Variants in HDAC9 observed in about 807,000 individuals in gnomAD.
HDAC9 encodes the protein histone deacetylase 9, also known as MEF-2 interacting transcription repressor (MITR) protein.
A neutral mutation model predicts 139.4 loss-of-function variants in HDAC9; 41 were observed. The ratio of observed to expected loss-of-function variants is 0.29; its 90% CI spans 0.23 to 0.38. The LOEUF is 0.38. Ranked by LOEUF, HDAC9 falls within the 10% of genes least tolerant of loss-of-function variation. HDAC9 has a pLI of 1.00. For synonymous variants in HDAC9, 517 were observed against 476.2 expected (o/e 1.09, Z -1.12); for missense variants, 1,147 against 1,297.0 (o/e 0.88, Z 1.78).
At chr7:18,297,465 C>T (rs1373861681) in intron 1 of HDAC9, among the ~76,000 whole-genome samples, 1 of 152,076 alleles carries the variant, frequency 6.6e-6, no homozygotes, top group East Asian at 1.9e-4. Context: ...TTTTATTTTT[C>T]TGACTGCTCT....
At chr7:18,938,891 A>G (rs1781838101) in intron 23 of HDAC9, among the ~76,000 whole-genome samples, 1 of 152,194 alleles carries the variant, frequency 6.6e-6, no homozygotes, top group Non-Finnish European at 1.5e-5. Context: ...AAAGTGTGAG[A>G]CCTGTGCCTT....
chr7:18,405,559 C>A (rs1487491947), intron 1 of HDAC9, among the ~76,000 whole-genome samples: 1 of 151,932 alleles, frequency 6.6e-6, no homozygotes, highest in South Asian at 2.1e-4. Context: ...TTCATCAAAT[C>A]TGAAAAACAA....
chr7:18,935,966 G>T (rs1294042702), intron 23 of HDAC9, 24 bp downstream of exon 23: 3 of 1,602,274 alleles, frequency 1.9e-6, no homozygotes, highest in Non-Finnish European at 2.6e-6. Context: ...AGTACAAAGG[G>T]GCAGGGGTAA....
At chr7:18,601,841 T>G (rs1363818851) in intron 6 of HDAC9, among the ~76,000 whole-genome samples, 1 of 152,208 alleles carries the variant, frequency 6.6e-6, no homozygotes, top group Non-Finnish European at 1.5e-5. Context: ...ATACAACACT[T>G]TTTGTACATC....
chr7:18,562,122 G>C (rs1225876678), intron 2 of HDAC9, among the ~76,000 whole-genome samples: 1 of 152,064 alleles, frequency 6.6e-6, no homozygotes, highest in Non-Finnish European at 1.5e-5. Context: ...TTGGCTATTT[G>C]TATATCTTCT....
intron 2 of HDAC9, among the ~76,000 whole-genome samples, chr7:18,259,884 A>G (rs1206917375): frequency 3.3e-5 from 5 of 152,240 alleles, no homozygotes; most frequent in Non-Finnish European, 7.3e-5. Flanking sequence ...ATAGTATACC[A>G]GTCGTCATGA....
chr7:18,550,891 A>C (rs1388682921), intron 2 of HDAC9, among the ~76,000 whole-genome samples: 1 of 152,222 alleles, frequency 6.6e-6, no homozygotes, highest in Non-Finnish European at 1.5e-5. Flanking sequence ...CAGCCATGGC[A>C]GGGCTTTCAG....
rs567502268 is a variant in HDAC9, at chr7:18,990,422, C to T, written c.3171-5601C>T. Among the ~76,000 whole-genome samples the T allele has an allele frequency of 4.7e-4, 71 of 152,322 alleles. No homozygotes were observed. The East Asian group carries it at 8.9e-3, about 19-fold the overall frequency. ...CTGCCCGTTTTCAGATCTCCAGCTG[C>T]GTGCTGGGAGAGCCACTGCTCTCTT... On this transcript the variant is annotated intron_variant, in intron 25 of 25. Coordinates refer to ENST00000686413, the MANE Select transcript of HDAC9 (RefSeq NM_178425.4).
intron 22 of HDAC9, among the ~76,000 whole-genome samples, chr7:18,934,238 C>G (rs181488416): frequency 1.1e-3 from 170 of 151,932 alleles, no homozygotes; most frequent in African/African-American, 3.8e-3. Context: ...ACACAAGACC[C>G]TAATGGTTTC....
chr7:18,910,719 C>A (rs1453062677), intron 22 of HDAC9, among the ~76,000 whole-genome samples: 2 of 151,840 alleles, frequency 1.3e-5, no homozygotes, highest in Non-Finnish European at 2.9e-5. Flanking sequence ...GATCGTATGG[C>A]TTTCATCTTT....
chr7:18,426,223 A>G (rs1790099794), intron 1 of HDAC9, among the ~76,000 whole-genome samples: 1 of 152,170 alleles, frequency 6.6e-6, no homozygotes, highest in African/African-American at 2.4e-5. Flanking sequence ...TTCGTGGTTT[A>G]TGTTTATTAT....
chr7:18,359,181 C>A (rs1442800859), intron 1 of HDAC9, among the ~76,000 whole-genome samples: 1 of 152,060 alleles, frequency 6.6e-6, no homozygotes, highest in Non-Finnish European at 1.5e-5. Flanking sequence ...CATGGCAAAA[C>A]CCCATCTCTA....
intron 1 of HDAC9, among the ~76,000 whole-genome samples, chr7:18,428,029 TC>T (rs1292943841): frequency 6.6e-6 from 1 of 152,216 alleles, no homozygotes; most frequent in Non-Finnish European, 1.5e-5. Context: ...CATAATGTCC[TC>T]AAGTTCCATT....
rs1477601541 is a variant in HDAC9 at position 18,647,839 on chromosome 7, G to A, written c.1090G>A (p.Gly364Ser). 1 of 1,612,532 alleles carries A rather than the reference G, an allele frequency of 6.2e-7. No individual in the cohort carries two copies. The highest frequency in any genetic ancestry group is 8.5e-7 in the Non-Finnish European group (1 of 1,179,244). The change falls in exon 10 of 26, where the codon GGT becomes AGT. Residue 364 changes from glycine (G) to serine (S), a missense_variant. By Grantham distance (56) the Gly-to-Ser change is moderately conservative. Around this residue, in one of 7 missense-constraint regions of HDAC9, gnomAD observed 264 missense variants for 273.8 expected, o/e 0.96. Coordinates refer to ENST00000686413, the MANE Select transcript of HDAC9 (RefSeq NM_178425.4). ...GTGTGAGACGCAGACGCTTAGGCAAGGTGTTCCTCTGCCTGGGCAGTATGG... is the reference window on the plus strand; with the variant it reads ...GTGTGAGACGCAGACGCTTAGGCAAAGTGTTCCTCTGCCTGGGCAGTATGG... ...QKCETQTLRQ[G>S]VPLPGQYGGS... is the part of the protein sequence containing the mutation.
At chr7:18,785,376 C>T (rs1024353398) in intron 16 of HDAC9, among the ~76,000 whole-genome samples, 3 of 151,990 alleles carry the variant, frequency 2.0e-5, no homozygotes, top group Admixed American at 2.0e-4. Flanking sequence ...ATTCCTGGCT[C>T]TATGCACTAG....
At chr7:18,699,988 T>A (rs567995633) in intron 12 of HDAC9, among the ~76,000 whole-genome samples, 1 of 152,192 alleles carries the variant, frequency 6.6e-6, no homozygotes, top group Non-Finnish European at 1.5e-5. Flanking sequence ...TGTTCCTAAA[T>A]GTTCCTCAAA....
intron 2 of HDAC9, among the ~76,000 whole-genome samples, chr7:18,564,217 A>C (rs1231153702): frequency 5.9e-5 from 9 of 152,096 alleles, no homozygotes; most frequent in Non-Finnish European, 8.8e-5. Context: ...ACAAGGAAAC[A>C]GTACAGTTGC....
chr7:18,591,530 A>G lies in HDAC9; in HGVS notation c.430A>G (p.Thr144Ala). 1.9e-6 allele frequency: 3 copies of G among 1,591,250 alleles called. No homozygotes were observed. The highest frequency in any genetic ancestry group is 2.6e-6 in the Non-Finnish European group (3 of 1,168,906). Residue 144 changes from threonine (T) to alanine (A), a missense_variant, in exon 5 of 26, where the codon ACA (threonine) becomes GCA (alanine). This residue lies in a region of HDAC9 where 136 missense variants were observed against 183.5 expected (regional missense o/e 0.74). Transcript: ENST00000686413. ...DRGRERAVAS[T>A]EVKQKLQEFL... Reference sequence around the variant, plus strand: ...GTGTATTTCAGGGGCAGTGGCAAGTACAGAAGTAAAGCAGAAGCTTCAAGA... The same window carrying G: ...GTGTATTTCAGGGGCAGTGGCAAGTGCAGAAGTAAAGCAGAAGCTTCAAGA...
At chr7:18,830,596 A>C (rs1795791229) in intron 19 of HDAC9, among the ~76,000 whole-genome samples, 1 of 152,224 alleles carries the variant, frequency 6.6e-6, no homozygotes, top group Non-Finnish European at 1.5e-5. Flanking sequence ...GCACAAACAA[A>C]GCCATGTGAA....
Sources: gnomAD v4.1 joint callset for allele counts (sites outside exome capture counted in the v4.1 genomes callset) on GRCh38, gnomAD v4.1.1 for gene constraint, gnomAD v4.1.1 regional missense constraint, MANE v1.5 for transcripts, NCBI Gene and HGNC (gene_info 2026-07-23, HGNC 2026-07-21) for gene names.